SLC39A9: variants seen among roughly 807,000 people sequenced by gnomAD.
The protein encoded by SLC39A9 is solute carrier family 39 member 9.
A neutral mutation model predicts 28.4 loss-of-function variants in SLC39A9; 14 were observed. That is an observed-to-expected ratio of 0.49 (90% CI 0.33 to 0.77). SLC39A9 has a LOEUF of 0.77. Ranked by LOEUF, SLC39A9 falls within the 30% of genes least tolerant of loss-of-function variation. The pLI is 0.02. For synonymous variants in SLC39A9, 119 were observed against 149.6 expected, an observed-to-expected ratio of 0.80 and a Z score of 1.49; for missense variants, 283 against 381.1, an observed-to-expected ratio of 0.74 and a Z score of 2.14.
intron 3 of SLC39A9, among the ~76,000 whole-genome samples, chr14:69,450,677 C>T (rs1353157207): frequency 6.6e-6 from 1 of 152,122 alleles, no homozygotes; most frequent in East Asian, 1.9e-4. Flanking sequence ...ACTCAGGTGG[C>T]TGAGATGCGA....
chr14:69,446,361 G>A (rs914920609), intron 3 of SLC39A9, among the ~76,000 whole-genome samples: 1 of 151,572 alleles, frequency 6.6e-6, no homozygotes, highest in Non-Finnish European at 1.5e-5. Context: ...GCAAGCCAGG[G>A]CCTTTCAGAG....
Position 69,399,299 on chromosome 14 carries a change from G to T in SLC39A9, c.-71G>T. 7.3e-7 allele frequency: 1 copy of T among 1,370,416 alleles called. No individual in the cohort carries two copies. The highest frequency in any genetic ancestry group is 1.2e-5 in the South Asian group (1 of 83,046). The allele number at this position is 1,370,416 out of a possible 1,614,324, so 84.9% of individuals were successfully genotyped here. On this transcript the variant is annotated 5_prime_UTR_variant, in exon 1 of 7. Transcript: ENST00000336643. ...CTTGGAACCACCACACCTGTTTAAAGAACCTAAGCACCATTTAAAGCCACT... is the reference window on the plus strand; with the variant it reads ...CTTGGAACCACCACACCTGTTTAAATAACCTAAGCACCATTTAAAGCCACT...
At chr14:69,421,620 G>A (rs1340466407) in intron 1 of SLC39A9, among the ~76,000 whole-genome samples, 1 of 152,190 alleles carries the variant, frequency 6.6e-6, no homozygotes, top group East Asian at 1.9e-4. Context: ...TGGAGTCTAC[G>A]GAGGCAGGCA....
chr14:69,434,235 C>G (rs373648394), intron 2 of SLC39A9, among the ~76,000 whole-genome samples: 1 of 151,598 alleles, frequency 6.6e-6, no homozygotes, highest in Non-Finnish European at 1.5e-5. Flanking sequence ...AGGCGCCCAC[C>G]ACCGCGTCCT....
At position 69,411,116 on chromosome 14, in the gene SLC39A9, G is replaced by A. The variant is rs1445717575; in HGVS notation, c.96+11651G>A. ...AATCCCAGCTACTCAGGAGGCTAAG[G>A]CAGGAGAATCGCTTGAACCTGGAAG... On this transcript the variant is annotated intron_variant, in intron 1 of 6. Transcript: ENST00000336643. Among the ~76,000 whole-genome samples, 7 of 150,754 alleles carry A rather than the reference G, an allele frequency of 4.6e-5. No homozygotes were observed. The East Asian group carries it at 1.2e-3, about 25-fold the overall frequency.
chr14:69,455,948 A>C, intron 6 of SLC39A9, 82 bp downstream of exon 6: 2 of 1,503,226 alleles, frequency 1.3e-6, no homozygotes, highest in Non-Finnish European at 1.8e-6. Flanking sequence ...GAATTTTTCC[A>C]ATACATTACT....
intron 3 of SLC39A9, among the ~76,000 whole-genome samples, chr14:69,446,021 CGTTGTTGTTGTT>C (rs34229171): frequency 6.0e-5 from 9 of 151,070 alleles, no homozygotes; most frequent in African/African-American, 1.7e-4. Flanking sequence ...ATACTGAACT[CGTTGTTGTTGTT>C]GTTGTTGTTG....
chr14:69,448,114 C>T (rs1594945164), intron 3 of SLC39A9, among the ~76,000 whole-genome samples: 1 of 146,150 alleles, frequency 6.8e-6, no homozygotes, highest in South Asian at 2.2e-4. Flanking sequence ...ACTCGGGAGG[C>T]TGAGGCAGGA....
chr14:69,440,239 A>G (rs754127699), intron 2 of SLC39A9, among the ~76,000 whole-genome samples: 12 of 152,122 alleles, frequency 7.9e-5, no homozygotes, highest in Non-Finnish European at 1.3e-4. Flanking sequence ...GTGAGCCGAT[A>G]TCATGCCACT....
chr14:69,440,585 AAAAG>A (rs1482035307), intron 2 of SLC39A9, among the ~76,000 whole-genome samples: 8 of 152,292 alleles, frequency 5.3e-5, no homozygotes, highest in South Asian at 2.1e-4. Context: ...ACCTGTCTCA[AAAAG>A]AAAGAAAGAG....
intron 1 of SLC39A9, among the ~76,000 whole-genome samples, chr14:69,421,723 C>G (rs559519145): frequency 6.6e-6 from 1 of 152,304 alleles, no homozygotes; most frequent in South Asian, 2.1e-4. Flanking sequence ...GACGCCCCTC[C>G]CCCAGTCAGG....
Position 69,420,120 on chromosome 14 carries a change from T to C in SLC39A9, c.97-3974T>C, listed in dbSNP as rs576439849. 3.3e-5 allele frequency among the ~76,000 whole-genome samples: 5 copies of C among 152,328 alleles called. No homozygotes were observed. In the East Asian group the frequency reaches 9.6e-4, roughly 29 times the overall value. On this transcript the variant is annotated intron_variant, in intron 1 of 6. Coordinates refer to ENST00000336643, the MANE Select transcript of SLC39A9 (RefSeq NM_018375.5). ...ATGGTCTTTGCAATTTGTTATGTTT[T>C]TGCAGTGGCTGGTACTGGTTGTTCC...
intron 3 of SLC39A9, among the ~76,000 whole-genome samples, chr14:69,443,200 G>C (rs1885128824): frequency 6.6e-6 from 1 of 152,302 alleles, no homozygotes; most frequent in South Asian, 2.1e-4. Context: ...ACTTCTCCAG[G>C]GATTGATGTG....
In SLC39A9 at chr14:69,458,012, C is replaced by G. The variant is rs149142780; in HGVS notation, c.694-351C>G. Among the ~76,000 whole-genome samples, 652 of 152,240 alleles carry G rather than the reference C, an allele frequency of 4.3e-3. 5 individuals are homozygous for G. Among genetic ancestry groups the G allele is most frequent in the African/African-American group, 0.015 (627 of 41,534 alleles). The stretch of plus-strand genomic sequence containing the variant: ...TTGCTAAGAGTAAATTTCAGATGTT[C>G]TCACCACAAAATATGATAAATATTT... On this transcript the variant is annotated intron_variant, in intron 6 of 6. Coordinates refer to ENST00000336643, the MANE Select transcript of SLC39A9 (RefSeq NM_018375.5).
intron 1 of SLC39A9, among the ~76,000 whole-genome samples, chr14:69,420,122 G>T (rs1033019744): frequency 6.6e-6 from 1 of 152,170 alleles, no homozygotes. Flanking sequence ...TTATGTTTTT[G>T]CAGTGGCTGG....
intron 3 of SLC39A9, among the ~76,000 whole-genome samples, chr14:69,444,540 C>G (rs117794469): frequency 0.025 from 3,878 of 152,212 alleles, 76 homozygotes; most frequent in Non-Finnish European, 0.035. Flanking sequence ...AGAATAGGCA[C>G]TCATATATTG....
chr14:69,403,922 A>G (rs1882773893), intron 1 of SLC39A9, among the ~76,000 whole-genome samples: 1 of 152,194 alleles, frequency 6.6e-6, no homozygotes, highest in African/African-American at 2.4e-5. Context: ...ACGTGCCTGT[A>G]ATCCCAGCTA....
chr14:69,437,268 C>T lies in SLC39A9; in HGVS notation c.206-4801C>T, dbSNP rs561085348. On this transcript the variant is annotated intron_variant, in intron 2 of 6. Coordinates refer to ENST00000336643, the MANE Select transcript of SLC39A9 (RefSeq NM_018375.5). ...AACTGGGGCTGCCTTAAAGGCAGGA[C>T]CAGGAAAGAAAAAAGAGGAGGTAGA... Among the ~76,000 whole-genome samples the T allele has an allele frequency of 2.0e-4, 30 of 152,066 alleles. No individual in the cohort carries two copies. The South Asian group carries it at 6.2e-3, about 32-fold the overall frequency.
At chr14:69,440,809 G>C (rs537605161) in intron 2 of SLC39A9, among the ~76,000 whole-genome samples, 8 of 152,082 alleles carry the variant, frequency 5.3e-5, no homozygotes, top group Non-Finnish European at 8.8e-5. Context: ...GAGTAGCTGG[G>C]ATTACAGGCA....
Sources: allele counts gnomAD v4.1 joint callset (sites outside exome capture counted in the v4.1 genomes callset), GRCh38; gene constraint gnomAD v4.1.1; transcripts MANE v1.5; gene names NCBI Gene and HGNC (gene_info 2026-07-23, HGNC 2026-07-21).